NAV3: variants seen among roughly 807,000 people sequenced by gnomAD.
NAV3 encodes pore membrane and/or filament interacting like protein 1.
In NAV3, 87 loss-of-function variants were observed where a neutral mutation model predicts 244.7. That is an observed-to-expected ratio of 0.36 (90% CI 0.30 to 0.42). The LOEUF (loss-of-function observed/expected upper bound fraction) is 0.42. NAV3 is among the 20% of genes least tolerant of loss of function. The pLI is 1.00. For missense variants in NAV3, 2,663 were observed against 2,893.3 expected (o/e 0.92, Z 1.83); for synonymous variants, 1,126 against 1,042.2 (o/e 1.08, Z -1.55).
intron 20 of NAV3, among the ~76,000 whole-genome samples, chr12:78,146,066 T>C (rs1300073002): frequency 6.6e-6 from 1 of 152,084 alleles, no homozygotes; most frequent in Non-Finnish European, 1.5e-5. Context: ...AACTATTTGG[T>C]TTATGTTGCT....
rs74107952 is a variant in NAV3 at position 78,119,637 on chromosome 12, T to C, written c.3441T>C (p.Ser1147=). Reference sequence around the variant, plus strand: ...CCCGCCCTTCAAAATCCAGCACCAGTGGCATTCCTGGCCGAGGAGGCCACA... The same window carrying C: ...CCCGCCCTTCAAAATCCAGCACCAGCGGCATTCCTGGCCGAGGAGGCCACA... The part of the protein sequence containing the change: ...SLPRPSKSST[S]GIPGRGGHRS... The change falls in exon 15 of 40, where the codon AGT becomes AGC. Residue 1147 remains serine (S), a synonymous_variant. Transcript: ENST00000397909. 5.8e-4 allele frequency: 932 copies of C among 1,614,150 alleles called. 5 individuals are homozygous for C. The African/African-American group carries it at 0.011, about 19-fold the overall frequency.
At chr12:77,751,376 G>A (rs887054087) in intron 2 of NAV3, among the ~76,000 whole-genome samples, 1 of 152,142 alleles carries the variant, frequency 6.6e-6, no homozygotes, top group Non-Finnish European at 1.5e-5. Flanking sequence ...CTGTGTCCCT[G>A]CCCAAATCTC....
At position 77,956,131 on chromosome 12, in the gene NAV3, A is replaced by C. The variant is rs1470378581; in HGVS notation, c.415-10098A>C. On this transcript the variant is annotated intron_variant, in intron 3 of 39. Transcript: ENST00000397909. ...TACTTTAACTCTCCAGAAAAAATTTATGTCTAGTTAAAATCTTAGGATAAA... is the reference window on the plus strand; with the variant it reads ...TACTTTAACTCTCCAGAAAAAATTTCTGTCTAGTTAAAATCTTAGGATAAA... 2.0e-5 allele frequency among the ~76,000 whole-genome samples: 3 copies of C among 152,324 alleles called. No individual in the cohort carries two copies. In the East Asian group the frequency reaches 5.8e-4, roughly 29 times the overall value.
rs577553412 is a variant in NAV3 at position 78,185,518 on chromosome 12, C to A, written c.5693-83C>A. ...GCAAATCCCATTGAAAGATATAAAACTATGAGGGAGAAAAGAATGACAGTA... is the reference window on the plus strand; with the variant it reads ...GCAAATCCCATTGAAAGATATAAAAATATGAGGGAGAAAAGAATGACAGTA... On this transcript the variant is annotated intron_variant, in intron 30 of 39. Transcript: ENST00000397909. 1.9e-5 allele frequency: 23 copies of A among 1,189,788 alleles called. No individual in the cohort carries two copies. The East Asian group carries it at 5.1e-4, about 26-fold the overall frequency. The allele number at this position is 1,189,788 out of a possible 1,614,324, so 73.7% of individuals were successfully genotyped here. A position where few individuals can be genotyped will look rare whatever the true frequency, so the allele number is the denominator to read the frequency against.
intron 9 of NAV3, among the ~76,000 whole-genome samples, chr12:78,024,707 G>T (rs1160132514): frequency 6.6e-6 from 1 of 152,118 alleles, no homozygotes; most frequent in Non-Finnish European, 1.5e-5. Flanking sequence ...GCCGGGTGCG[G>T]TGTCTCACAC....
In NAV3 at chr12:77,573,902, G is replaced by A. The variant is rs548317920; in HGVS notation, c.72+1636G>A. Among the ~76,000 whole-genome samples the A allele has an allele frequency of 3.9e-5, 6 of 152,268 alleles. No homozygotes were observed. In the South Asian group the frequency reaches 8.3e-4, roughly 21 times the overall value. On this transcript the variant is annotated intron_variant, in intron 2 of 8. Transcript: ENST00000550042. ...ACCAAAGGAATTAAAGTTGAAGAAT[G>A]GAACGAATTCTTAGAGTCATCCTCT... is the stretch of plus-strand genomic sequence containing the variant.
At chr12:77,668,866 G>C (rs143950152) in intron 2 of NAV3, among the ~76,000 whole-genome samples, 3,782 of 152,210 alleles carry the variant, frequency 0.025, 61 homozygotes, top group Middle Eastern at 0.082. Flanking sequence ...CTAAAGTCAA[G>C]ATGAAGGAAA....
intron 2 of NAV3, among the ~76,000 whole-genome samples, chr12:77,659,110 G>A (rs1303672408): frequency 2.0e-5 from 3 of 151,814 alleles, no homozygotes; most frequent in Non-Finnish European, 4.4e-5. Context: ...TTGACAAATG[G>A]GATCTAATTA....
chr12:78,058,896 A>G (rs1883901788), intron 11 of NAV3, 100 bp from the exon 12 acceptor site: 1 of 938,864 alleles, frequency 1.1e-6, no homozygotes, highest in Non-Finnish European at 1.5e-6. Flanking sequence ...AATATATTTG[A>G]GTAATTATTG....
chr12:77,788,351 C>T (rs1339252718), intron 2 of NAV3, among the ~76,000 whole-genome samples: 2 of 152,150 alleles, frequency 1.3e-5, no homozygotes, highest in African/African-American at 2.4e-5. Context: ...TGGCAGTGTT[C>T]GCCTTAAGTC....
At chr12:77,783,120 T>C (rs1389063643) in intron 2 of NAV3, 1 of 152,146 alleles carries the variant, frequency 6.6e-6, no homozygotes, top group Non-Finnish European at 1.5e-5. Context: ...TTTTTCCATT[T>C]GTAGTATTAA....
intron 2 of NAV3, among the ~76,000 whole-genome samples, chr12:77,757,314 A>C (rs1012685566): frequency 3.3e-5 from 5 of 152,198 alleles, no homozygotes; most frequent in African/African-American, 1.2e-4. Context: ...ATGGGAAAGT[A>C]TAATTTTCCT....
intron 9 of NAV3, among the ~76,000 whole-genome samples, chr12:78,033,778 A>G (rs1879388285): frequency 6.6e-6 from 1 of 152,196 alleles, no homozygotes; most frequent in Non-Finnish European, 1.5e-5. Context: ...TCACCCCTCC[A>G]GAAGGATTAA....
At chr12:77,629,963 C>G (rs148325001) in intron 2 of NAV3, among the ~76,000 whole-genome samples, 9 of 152,234 alleles carry the variant, frequency 5.9e-5, no homozygotes, top group Admixed American at 5.2e-4. Flanking sequence ...TATGGCATAA[C>G]CAGGGTCTTT....
intron 1 of NAV3, among the ~76,000 whole-genome samples, chr12:77,887,575 T>C (rs1883438841): frequency 6.6e-6 from 1 of 152,164 alleles, no homozygotes; most frequent in Admixed American, 6.6e-5. Context: ...TTTATTCTTA[T>C]GTGATTAGCA....
intron 2 of NAV3, among the ~76,000 whole-genome samples, chr12:77,746,151 T>C (rs571823907): frequency 6.6e-6 from 1 of 152,244 alleles, no homozygotes; most frequent in South Asian, 2.1e-4. Flanking sequence ...TGATGGCTAC[T>C]CTGAGCTGTG....
At position 78,159,627 on chromosome 12, in the gene NAV3, C is replaced by T. The variant is rs1957443869; in HGVS notation, c.4869+341C>T. ...GAGGACGCAGTGAGCCAAGATCACA[C>T]CACTGCACTCCAGCCTGGGAGACAG... On this transcript the variant is annotated intron_variant, in intron 23 of 39. Coordinates refer to ENST00000397909, the MANE Select transcript of NAV3 (RefSeq NM_001024383.2). Among the ~76,000 whole-genome samples, 4 of 151,908 alleles carry T rather than the reference C, an allele frequency of 2.6e-5. 1 individual carries two copies. The highest frequency in any genetic ancestry group is 2.0e-4 in the Admixed American group (3 of 15,232).
intron 16 of NAV3, among the ~76,000 whole-genome samples, chr12:78,126,759 A>C (rs192861213): frequency 6.6e-6 from 1 of 152,306 alleles, no homozygotes; most frequent in Non-Finnish European, 1.5e-5. Context: ...GTTTTATACC[A>C]TCTCTGTCAA....
intron 2 of NAV3, among the ~76,000 whole-genome samples, chr12:77,771,513 C>T (rs1223623273): frequency 6.6e-6 from 1 of 152,144 alleles, no homozygotes; most frequent in Non-Finnish European, 1.5e-5. Context: ...TGGAACCAAC[C>T]CAAATGTCCC....
Sources: allele counts gnomAD v4.1 joint callset (sites outside exome capture counted in the v4.1 genomes callset), GRCh38; gene constraint gnomAD v4.1.1; transcripts MANE v1.5; gene names NCBI Gene and HGNC (gene_info 2026-07-23, HGNC 2026-07-21).